AKAP12: variants seen among roughly 807,000 people sequenced by gnomAD.
The protein encoded by AKAP12 is A-kinase anchoring protein 12.
A neutral mutation model predicts 79.9 loss-of-function variants in AKAP12; 32 were observed. The observed-to-expected ratio is 0.40, with a 90% CI of 0.30 to 0.54. The LOEUF is 0.54. AKAP12 is among the 20% of genes least tolerant of loss of function. AKAP12 has a pLI of 0.48. For missense variants in AKAP12, 2,074 were observed against 2,177.0 expected (o/e 0.95, Z 0.94); for synonymous variants, 808 against 857.0 (o/e 0.94, Z 1.00).
chr6:151,255,137 T>C (rs981413638), intron 2 of AKAP12, among the ~76,000 whole-genome samples: 1 of 151,496 alleles, frequency 6.6e-6, no homozygotes, highest in African/African-American at 2.4e-5. Context: ...GGCAGGTGAC[T>C]GGAAAAACAG....
chr6:151,273,805 G>A (rs1452973084), intron 2 of AKAP12, among the ~76,000 whole-genome samples: 4 of 152,082 alleles, frequency 2.6e-5, no homozygotes, highest in Non-Finnish European at 5.9e-5. Flanking sequence ...TGAGGCGGGT[G>A]GATCATGAGG....
chr6:151,256,882 C>T (rs535743573), intron 2 of AKAP12, among the ~76,000 whole-genome samples: 2 of 151,416 alleles, frequency 1.3e-5, no homozygotes, highest in South Asian at 2.1e-4. Context: ...CTCCTGACTT[C>T]AGGTGATCTG....
rs1213431282 is a variant in AKAP12 at position 151,325,283 on chromosome 6, T to C, written c.319+19380T>C. The stretch of plus-strand genomic sequence containing the variant: ...ACATAAGGATGCAGAATGCAGTCTT[T>C]AAAATGGAGGGAGAATTTACTGTCT... On this transcript the variant is annotated intron_variant, in intron 3 of 4. Coordinates refer to ENST00000402676, the MANE Select transcript of AKAP12 (RefSeq NM_005100.4). 23 of 985,270 alleles carry C rather than the reference T, an allele frequency of 2.3e-5. No homozygotes were observed. In the Admixed American group the frequency reaches 4.3e-4, roughly 18 times the overall value. The allele number at this position is 985,270 out of a possible 1,614,324, so 61.0% of individuals were successfully genotyped here.
At chr6:151,253,814 C>A (rs1250534989) in intron 2 of AKAP12, among the ~76,000 whole-genome samples, 2 of 151,950 alleles carry the variant, frequency 1.3e-5, no homozygotes, top group African/African-American at 4.8e-5. Flanking sequence ...TCAAACAATT[C>A]TCTTGCCTCA....
chr6:151,306,400 T>A (rs972020504), intron 3 of AKAP12, among the ~76,000 whole-genome samples: 2 of 152,166 alleles, frequency 1.3e-5, no homozygotes, highest in African/African-American at 4.8e-5. Context: ...TGGGATTTGA[T>A]TTTTACCCAT....
Position 151,351,524 on chromosome 6 carries a change from G to A in AKAP12, c.3133G>A (p.Ala1045Thr), listed in dbSNP as rs1778290348. Residue 1045 changes from alanine to threonine, a missense_variant, in exon 4 of 5, where the codon GCA (alanine) becomes ACA (threonine). Physicochemically the swap from Ala to Thr is moderately conservative, Grantham distance 58. Transcript: ENST00000402676. The surrounding 1 kb of genome is among the most constrained non-coding windows in gnomAD (Gnocchi z 4.4). The part of the protein sequence containing the change: ...QERRTQEVLQ[A>T]VAEKVKEESQ... ...GAGGCGGACTCAAGAGGTCCTCCAG[G>A]CAGTGGCAGAAAAAGTGAAAGAGGA... 1.2e-6 allele frequency: 2 copies of A among 1,614,148 alleles called. No individual in the cohort carries two copies. The highest frequency in any genetic ancestry group is 2.2e-5 in the South Asian group (2 of 91,090).
chr6:151,352,862 A>G lies in AKAP12; in HGVS notation c.4471A>G (p.Thr1491Ala). ...ATCGACACCAGTGATAGTATCTGCT[A>G]CTACCAAGAAAGGCTTAAGTTCCGA... is the stretch of plus-strand genomic sequence containing the variant. ...AKSTPVIVSA[T>A]TKKGLSSDLE... The change falls in exon 4 of 5, where the codon ACT becomes GCT. Residue 1491 changes from threonine (T) to alanine (A), a missense_variant. By Grantham distance (58) the Thr-to-Ala change is moderately conservative. Coordinates refer to ENST00000402676, the MANE Select transcript of AKAP12 (RefSeq NM_005100.4). The G allele has an allele frequency of 3.1e-6, 5 of 1,614,246 alleles. No individual in the cohort carries two copies. The East Asian group carries it at 1.1e-4, about 36-fold the overall frequency.
chr6:151,345,261 G>C (rs1778058979), intron 3 of AKAP12, among the ~76,000 whole-genome samples: 1 of 151,512 alleles, frequency 6.6e-6, no homozygotes, highest in Admixed American at 6.6e-5. Context: ...ATTTTTAGTA[G>C]AGACGGGGTT....
chr6:151,287,924 T>C (rs887963707), intron 2 of AKAP12, among the ~76,000 whole-genome samples: 1 of 152,156 alleles, frequency 6.6e-6, no homozygotes, highest in Non-Finnish European at 1.5e-5. Context: ...GGGACATGGA[T>C]AAAGCTGGAA....
At chr6:151,303,045 T>G (rs1484058900) in intron 2 of AKAP12, among the ~76,000 whole-genome samples, 3 of 151,924 alleles carry the variant, frequency 2.0e-5, no homozygotes, top group African/African-American at 7.3e-5. Context: ...ATACAAAAAT[T>G]AGCTGGGCGC....
intron 3 of AKAP12, chr6:151,324,224 C>CA: frequency 1.0e-6 from 1 of 985,418 alleles, no homozygotes; most frequent in South Asian, 4.7e-5. Context: ...AGTCAGCTTC[C>CA]AGGCAATATC....
At chr6:151,286,204 G>A (rs1442789066) in intron 2 of AKAP12, among the ~76,000 whole-genome samples, 1 of 152,222 alleles carries the variant, frequency 6.6e-6, no homozygotes, top group Non-Finnish European at 1.5e-5. Flanking sequence ...AGCAATTTGA[G>A]AGTGAGTCAT....
intron 2 of AKAP12, among the ~76,000 whole-genome samples, chr6:151,291,324 G>A (rs1364451419): frequency 3.3e-5 from 5 of 152,178 alleles, no homozygotes; most frequent in Non-Finnish European, 5.9e-5. Context: ...TTGCCCACAT[G>A]TCTCACAGCT....
chr6:151,253,944 G>T (rs1209856076), intron 2 of AKAP12, among the ~76,000 whole-genome samples: 1 of 152,042 alleles, frequency 6.6e-6, no homozygotes, highest in Admixed American at 6.6e-5. Context: ...CCTGACCTCA[G>T]GTAATCTGCC....
In AKAP12 at chr6:151,256,948, C is replaced by CTATATATATATATATATATATATATATA. The variant is rs57384016; in HGVS notation, c.162+16238_162+16239insTATATATATATATATATATATATATATA. 3.7e-3 allele frequency among the ~76,000 whole-genome samples: 538 copies of CTATATATATATATATATATATATATATA among 145,602 alleles called. 2 individuals are homozygous for CTATATATATATATATATATATATATATA. The highest frequency in any genetic ancestry group is 4.6e-3 in the Non-Finnish European group (305 of 66,248). ...ACAGGCGTGAGCCACCGCGCCCGGCCTATATATATATATAAACTTTAAATT... is the reference window on the plus strand; with the variant it reads ...ACAGGCGTGAGCCACCGCGCCCGGCCTATATATATATATATATATATATATATATATATATATATATAAACTTTAAATT... On this transcript the variant is annotated intron_variant, in intron 2 of 4. Coordinates refer to ENST00000402676, the MANE Select transcript of AKAP12 (RefSeq NM_005100.4).
chr6:151,259,582 T>C (rs1436207894), intron 2 of AKAP12, among the ~76,000 whole-genome samples: 2 of 38,264 alleles, frequency 5.2e-5, no homozygotes, highest in African/African-American at 1.1e-3. Flanking sequence ...TTTTTTCCTT[T>C]TTTTTTTTTT....
intron 2 of AKAP12, among the ~76,000 whole-genome samples, chr6:151,300,875 T>G (rs1010232563): frequency 1.3e-5 from 2 of 152,152 alleles, no homozygotes; most frequent in African/African-American, 4.8e-5. Flanking sequence ...ACAAATCCAG[T>G]GGGAAAATAG....
intron 3 of AKAP12, among the ~76,000 whole-genome samples, chr6:151,317,155 G>C (rs1777256371): frequency 6.6e-6 from 1 of 152,144 alleles, no homozygotes; most frequent in African/African-American, 2.4e-5. Context: ...TTAGTAGAAG[G>C]GAGCTTTGAG....
chr6:151,348,083 G>C (rs988829155), intron 3 of AKAP12, among the ~76,000 whole-genome samples: 1 of 151,978 alleles, frequency 6.6e-6, no homozygotes, highest in Non-Finnish European at 1.5e-5. Flanking sequence ...AACCCAGGAG[G>C]CGGAGCTTGC....
Sources: allele counts gnomAD v4.1 joint callset (sites outside exome capture counted in the v4.1 genomes callset), GRCh38; gene constraint gnomAD v4.1.1; non-coding constraint Gnocchi (gnomAD v3.1); transcripts MANE v1.5; gene names NCBI Gene and HGNC (gene_info 2026-07-23, HGNC 2026-07-21).